Variants in MYO1D observed in about 807,000 individuals in gnomAD.
The protein encoded by MYO1D is myosin ID, also known as unconventional myosin-Id.
A neutral mutation model predicts 122.0 loss-of-function variants in MYO1D; 83 were observed. That is an observed-to-expected ratio of 0.68 (90% CI 0.57 to 0.82). MYO1D has a LOEUF of 0.82. MYO1D is among the 40% of genes least tolerant of loss of function. The pLI, the probability that MYO1D is intolerant of heterozygous loss-of-function variation, is 0.00. For missense variants in MYO1D, 1,157 were observed against 1,269.5 expected, an observed-to-expected ratio of 0.91 and a Z score of 1.35; for synonymous variants, 464 against 446.9, an observed-to-expected ratio of 1.04 and a Z score of -0.48.
At chr17:32,785,743 G>A (rs912656395) in intron 1 of MYO1D, among the ~76,000 whole-genome samples, 1 of 152,046 alleles carries the variant, frequency 6.6e-6, no homozygotes, top group Admixed American at 6.6e-5. Flanking sequence ...TTTTCCTTCT[G>A]CTTCTCTGGT....
At chr17:32,848,690 T>C (rs2090959165) in intron 1 of MYO1D, among the ~76,000 whole-genome samples, 1 of 152,232 alleles carries the variant, frequency 6.6e-6, no homozygotes, top group South Asian at 2.1e-4. Context: ...CTCTTGTTTC[T>C]GTGGGGTATC....
chr17:32,780,933 G>A (rs754745280), intron 1 of MYO1D, 149 bp from the exon 2 acceptor site: 3 of 786,652 alleles, frequency 3.8e-6, no homozygotes, highest in Non-Finnish European at 6.1e-6. Flanking sequence ...TTAACTTGTA[G>A]AGAATGTTTG....
chr17:32,850,886 C>T (rs1282875111), intron 1 of MYO1D, among the ~76,000 whole-genome samples: 1 of 151,962 alleles, frequency 6.6e-6, no homozygotes. Flanking sequence ...ATAAACCTCC[C>T]TGTACCTACT....
At chr17:32,563,830 A>G (rs1445084103) in intron 21 of MYO1D, among the ~76,000 whole-genome samples, 1 of 152,182 alleles carries the variant, frequency 6.6e-6, no homozygotes, top group East Asian at 1.9e-4. Flanking sequence ...ACTGCTACAT[A>G]TTGGTTTAAG....
chr17:32,601,281 T>C (rs1372632759), intron 21 of MYO1D, among the ~76,000 whole-genome samples: 2 of 152,182 alleles, frequency 1.3e-5, no homozygotes, highest in Admixed American at 1.3e-4. Flanking sequence ...AACTCTCCCA[T>C]TCACTTGAAC....
intron 1 of MYO1D, among the ~76,000 whole-genome samples, chr17:32,863,387 A>G (rs1165132592): frequency 6.6e-6 from 1 of 152,192 alleles, no homozygotes; most frequent in East Asian, 1.9e-4. Context: ...CGACTGATAT[A>G]CCCAAGGTAA....
intron 1 of MYO1D, among the ~76,000 whole-genome samples, chr17:32,789,603 T>C (rs886782578): frequency 6.6e-6 from 1 of 152,240 alleles, no homozygotes. Context: ...TCTGTGGATG[T>C]AACCTTATCT....
At chr17:32,705,481 T>C (rs2150983059) in intron 16 of MYO1D, among the ~76,000 whole-genome samples, 1 of 152,240 alleles carries the variant, frequency 6.6e-6, no homozygotes, top group Admixed American at 6.5e-5. Flanking sequence ...GCCAGGATGG[T>C]CTAGAACTCC....
At chr17:32,632,812 G>A (rs2088039179) in intron 20 of MYO1D, among the ~76,000 whole-genome samples, 5 of 151,926 alleles carry the variant, frequency 3.3e-5, no homozygotes, top group Admixed American at 3.3e-4. Context: ...TAATACCTTT[G>A]TCCAACAGTA....
chr17:32,665,632 C>A (rs2150957515), intron 16 of MYO1D, among the ~76,000 whole-genome samples: 1 of 152,320 alleles, frequency 6.6e-6, no homozygotes, highest in South Asian at 2.1e-4. Context: ...ATTTTTTGCA[C>A]TGTTCCTTGT....
Position 32,581,471 on chromosome 17 carries a change from G to GTTCC in MYO1D, c.2864+23612_2864+23615dup, listed in dbSNP as rs978137529. The stretch of plus-strand genomic sequence containing the variant: ...GGTTTAATTTGCTCTTATTTTTCTA[G>GTTCC]TTCCTTCCTTCCTTCCTCCCTCCCT... On this transcript the variant is annotated intron_variant, in intron 21 of 21. Coordinates refer to ENST00000318217, the MANE Select transcript of MYO1D (RefSeq NM_015194.3). Among the ~76,000 whole-genome samples the GTTCC allele has an allele frequency of 7.3e-5, 11 of 151,044 alleles. No homozygotes were observed. In the South Asian group the frequency reaches 1.0e-3, roughly 14 times the overall value.
chr17:32,852,825 C>A (rs1200743938), intron 1 of MYO1D, among the ~76,000 whole-genome samples: 1 of 152,054 alleles, frequency 6.6e-6, no homozygotes, highest in African/African-American at 2.4e-5. Flanking sequence ...GTCCAAAAGA[C>A]CTTTTTGTGA....
At chr17:32,513,469 G>C (rs1291061041) in intron 21 of MYO1D, among the ~76,000 whole-genome samples, 1 of 152,182 alleles carries the variant, frequency 6.6e-6, no homozygotes, top group Non-Finnish European at 1.5e-5. Flanking sequence ...ACAGTGTTGA[G>C]TTTGACTTCC....
chr17:32,681,463 G>A (rs572872362), intron 16 of MYO1D, among the ~76,000 whole-genome samples: 288 of 145,860 alleles, frequency 2.0e-3, no homozygotes, highest in African/African-American at 6.8e-3. Flanking sequence ...CTTTGTTCTC[G>A]TTGGTTTCAA....
chr17:32,713,193 G>A (rs886133095), intron 15 of MYO1D, among the ~76,000 whole-genome samples: 1 of 152,050 alleles, frequency 6.6e-6, no homozygotes, highest in African/African-American at 2.4e-5. Context: ...TTCACATTTA[G>A]ATTTCTGATC....
chr17:32,767,757 G>A lies in MYO1D; in HGVS notation c.715-5C>T, dbSNP rs756269418. The stretch of plus-strand genomic sequence containing the variant: ...GGCAGCATCATTGATAGAAGACTGG[G>A]GATGAAAATGAAAAACTGAAGTTAC... On this transcript the variant is annotated splice_polypyrimidine_tract_variant and splice_region_variant and intron_variant, in intron 6 of 21. Coordinates refer to ENST00000318217, the MANE Select transcript of MYO1D (RefSeq NM_015194.3). 41 of 1,589,850 alleles carry A rather than the reference G, an allele frequency of 2.6e-5. No homozygotes were observed. The African/African-American group carries it at 4.4e-4, about 17-fold the overall frequency.
At chr17:32,679,967 G>A (rs1248003036) in intron 16 of MYO1D, among the ~76,000 whole-genome samples, 1 of 146,026 alleles carries the variant, frequency 6.8e-6, no homozygotes, top group Non-Finnish European at 1.5e-5. Context: ...CCTGGAAGAG[G>A]TCCTTCACAT....
intron 20 of MYO1D, among the ~76,000 whole-genome samples, chr17:32,611,548 A>G (rs1409965662): frequency 6.6e-6 from 1 of 152,228 alleles, no homozygotes; most frequent in East Asian, 1.9e-4. Context: ...TTTTTAAAAC[A>G]GAAAACTTGG....
At chr17:32,640,716 A>G (rs1455477167) in intron 19 of MYO1D, among the ~76,000 whole-genome samples, 1 of 151,076 alleles carries the variant, frequency 6.6e-6, no homozygotes, top group Admixed American at 6.6e-5. Context: ...TTCTTAATCC[A>G]GTCTATCATT....
Sources: gnomAD v4.1 joint callset for allele counts (sites outside exome capture counted in the v4.1 genomes callset) on GRCh38, gnomAD v4.1.1 for gene constraint, MANE v1.5 for transcripts, NCBI Gene and HGNC (gene_info 2026-07-23, HGNC 2026-07-21) for gene names.